The following MYL11 variants were observed in gnomAD, a reference collection of about 807,000 sequenced individuals.
The protein encoded by MYL11 is myosin light chain 11.
the MYL11 span, chr16:30,375,743 C>T: frequency 8.0e-7 from 1 of 1,248,434 alleles, no homozygotes; most frequent in Non-Finnish European, 1.1e-6. Context: ...TCGAAGAATT[C>T]TGACTCTTAA....
chr16:30,376,644 C>T, the MYL11 span: 1 of 1,614,156 alleles, frequency 6.2e-7, no homozygotes, highest in Non-Finnish European at 8.5e-7. Context: ...GATGTGATCA[C>T]CGGAGCCTTC....
At chr16:30,375,791 G>A in the MYL11 span, 1 of 1,590,302 alleles carries the variant, frequency 6.3e-7, no homozygotes, top group South Asian at 1.1e-5. Flanking sequence ...CTGGTCCATG[G>A]GCCCCTTTGT....
chr16:30,370,944 TGACA>T, the MYL11 span: 5 of 152,220 alleles, frequency 3.3e-5, no homozygotes, highest in Non-Finnish European at 5.9e-5. Context: ...ATTTAGGCGG[TGACA>T]GACAGCATCC....
At chr16:30,374,984 G>C in the MYL11 span, 1 of 1,276,632 alleles carries the variant, frequency 7.8e-7, no homozygotes, top group Non-Finnish European at 1.1e-6. Flanking sequence ...CTCTTTCTCG[G>C]CATCACTGAT....
the MYL11 span, chr16:30,376,281 C>T: frequency 6.3e-7 from 1 of 1,587,840 alleles, no homozygotes; most frequent in Non-Finnish European, 8.6e-7. Context: ...AATTCAGTGG[C>T]CTTGGGTTCC....
chr16:30,373,894 A>G, the MYL11 span, among the ~76,000 whole-genome samples: 2 of 152,106 alleles, frequency 1.3e-5, no homozygotes, highest in African/African-American at 2.4e-5. Context: ...ACACTTGACT[A>G]TGAACTCCAC....
At chr16:30,376,592 A>G in the MYL11 span, 1 of 1,614,080 alleles carries the variant, frequency 6.2e-7, no homozygotes, top group Non-Finnish European at 8.5e-7. Flanking sequence ...GGGACCCATC[A>G]GCTTCATGTG....
chr16:30,375,999 G>C, the MYL11 span: 1 of 1,523,220 alleles, frequency 6.6e-7, no homozygotes, highest in Non-Finnish European at 9.0e-7. Context: ...CTTGAAGGAG[G>C]GGAAAGGTTT....
At chr16:30,377,417 G>C in the MYL11 span, 1 of 428,172 alleles carries the variant, frequency 2.3e-6, no homozygotes, top group Non-Finnish European at 4.1e-6. Flanking sequence ...CCTACGAAGG[G>C]TTAGGCACTG....
the MYL11 span, chr16:30,372,404 G>C: frequency 6.6e-6 from 1 of 152,384 alleles, no homozygotes; most frequent in Non-Finnish European, 1.5e-5. Flanking sequence ...GCAGGGGGAG[G>C]CATCTTCCTC....
At chr16:30,377,915 C>T in the MYL11 span, 1 of 1,594,812 alleles carries the variant, frequency 6.3e-7, no homozygotes, top group African/African-American at 1.3e-5. Flanking sequence ...ACCCGCGGGC[C>T]TCCGCTGCCC....
At chr16:30,375,004 A>T in the MYL11 span, 1 of 1,116,638 alleles carries the variant, frequency 9.0e-7, no homozygotes, top group Non-Finnish European at 1.3e-6. Context: ...TGGAAAACAG[A>T]CTGTGTGATG....
chr16:30,376,223 G>A, the MYL11 span: 1 of 1,613,652 alleles, frequency 6.2e-7, no homozygotes, highest in Middle Eastern at 1.7e-4. Context: ...AGCCATGGGT[G>A]AGCCCCCTAC....
chr16:30,376,367 C>T, the MYL11 span: 375 of 1,566,162 alleles, frequency 2.4e-4, 3 homozygotes, highest in African/African-American at 2.9e-3. Flanking sequence ...TAGTGGGAAG[C>T]GCAGGCCCGG....
chr16:30,372,645 C>G, the MYL11 span, among the ~76,000 whole-genome samples: 5 of 151,334 alleles, frequency 3.3e-5, no homozygotes, highest in Admixed American at 2.0e-4. Context: ...CAGAAAGTGA[C>G]CAGCTGGCTG....
the MYL11 span, chr16:30,377,834 C>A: frequency 3.1e-6 from 5 of 1,614,014 alleles, no homozygotes; most frequent in East Asian, 2.2e-5. Context: ...CCGACGTGGG[C>A]GGCAACGTCG....
the MYL11 span, chr16:30,376,189 G>C: frequency 6.2e-7 from 1 of 1,614,052 alleles, no homozygotes; most frequent in African/African-American, 1.3e-5. Flanking sequence ...TTATAGACAA[G>C]GAGGACCTTC....
At chr16:30,377,923 C>T in the MYL11 span, 1 of 1,589,850 alleles carries the variant, frequency 6.3e-7, no homozygotes, top group East Asian at 2.3e-5. Context: ...GCCTCCGCTG[C>T]CCGACGCTTC....
At chr16:30,375,491 A>G in the MYL11 span, among the ~76,000 whole-genome samples, 1 of 151,734 alleles carries the variant, frequency 6.6e-6, no homozygotes, top group African/African-American at 2.4e-5. Context: ...AGAAAAGAAA[A>G]GTAGAGGCTC....
Sources: gnomAD v4.1 joint callset for allele counts (sites outside exome capture counted in the v4.1 genomes callset) on GRCh38, gnomAD v4.1.1 for gene constraint, MANE v1.5 for transcripts, NCBI Gene and HGNC (gene_info 2026-07-23, HGNC 2026-07-21) for gene names.